The following SLC30A4 variants were observed in gnomAD, a reference collection of about 807,000 sequenced individuals.
SLC30A4 encodes the protein solute carrier family 30 member 4, also known as probable proton-coupled zinc antiporter SLC30A4.
SLC30A4 carries 20 observed loss-of-function variants against 41.7 expected under a neutral mutation model. The ratio of observed to expected loss-of-function variants is 0.48; its 90% confidence interval spans 0.34 to 0.70. The LOEUF (loss-of-function observed/expected upper bound fraction) is 0.70. SLC30A4 is among the 30% of genes least tolerant of loss of function. The pLI is 0.01. For missense variants in SLC30A4, 441 were observed against 529.3 expected (o/e 0.83, Z 1.64); for synonymous variants, 181 against 195.9 (o/e 0.92, Z 0.64).
At position 45,490,714 on chromosome 15, in the gene SLC30A4, A is replaced by G. The variant is rs117382197; in HGVS notation, c.692+14T>C. On this transcript the variant is annotated intron_variant, in intron 4 of 7. Coordinates refer to ENST00000261867, the MANE Select transcript of SLC30A4 (RefSeq NM_013309.6). The stretch of plus-strand genomic sequence containing the variant: ...AGTACTTGAAAATATTAATGTGAAA[A>G]AAATAGAGCTTACATTACATTAACT... 1.8e-3 allele frequency: 2,815 copies of G among 1,571,378 alleles called. 70 individuals are homozygous for G. The East Asian group carries it at 0.056, about 31-fold the overall frequency.
At chr15:45,489,585 GCAGTAAAAATTTGATTACATTCA>G (rs1891771835) in intron 4 of SLC30A4, among the ~76,000 whole-genome samples, 1 of 135,298 alleles carries the variant, frequency 7.4e-6, no homozygotes, top group African/African-American at 2.8e-5. Flanking sequence ...TAACAAGGCT[GCAGTAAAAATTTGATTACATTCA>G]GGGACTGTTG....
intron 2 of SLC30A4, chr15:45,512,421 T>G (rs1169875893): frequency 6.6e-6 from 1 of 152,198 alleles, no homozygotes; most frequent in Non-Finnish European, 1.5e-5. Context: ...GAATCACTGT[T>G]ATAATGTACA....
chr15:45,506,268 A>G (rs1892155051), intron 3 of SLC30A4, among the ~76,000 whole-genome samples: 3 of 152,206 alleles, frequency 2.0e-5, no homozygotes, highest in Admixed American at 2.0e-4. Context: ...CATGTTTTGC[A>G]TATTTACAAA....
At chr15:45,499,662 G>C (rs540307850) in intron 3 of SLC30A4, among the ~76,000 whole-genome samples, 1 of 152,130 alleles carries the variant, frequency 6.6e-6, no homozygotes, top group Non-Finnish European at 1.5e-5. Context: ...CTGAGAACTT[G>C]TGGGATTTCT....
Position 45,494,926 on chromosome 15 carries a change from AG to A in SLC30A4, c.539-4046del, listed in dbSNP as rs895664290. On this transcript the variant is annotated intron_variant, in intron 3 of 7. Coordinates refer to ENST00000261867, the MANE Select transcript of SLC30A4 (RefSeq NM_013309.6). ...GTAATCCCTGCTACTTGGGAAGCTG[AG>A]GGGGGAGGATCACTTGAGGTCAAGA... is the stretch of plus-strand genomic sequence containing the variant. Among the ~76,000 whole-genome samples, 12 of 152,142 alleles carry A rather than the reference AG, an allele frequency of 7.9e-5. No individual in the cohort carries two copies. In the South Asian group the frequency reaches 1.9e-3, roughly 24 times the overall value.
At position 45,480,011 on chromosome 15, in the gene SLC30A4, T is replaced by C. The variant is rs954594934; in HGVS notation, c.*5152A>G. On this transcript the variant is annotated 3_prime_UTR_variant, in exon 8 of 8. Coordinates refer to ENST00000261867, the MANE Select transcript of SLC30A4 (RefSeq NM_013309.6). The stretch of plus-strand genomic sequence containing the variant: ...TGGCTTATTTAATAACATGTATTTA[T>C]TGAGAGAAGCATAAACTTTCCAAAT... The C allele has an allele frequency of 1.3e-5, 2 of 152,188 alleles. No individual in the cohort carries two copies. The highest frequency in any genetic ancestry group is 6.5e-5 in the Admixed American group (1 of 15,278). 9.4% of individuals were successfully genotyped at this position (152,188 alleles called of 1,614,324 possible). A position where few individuals can be genotyped will look rare whatever the true frequency, so the allele number is the denominator to read the frequency against.
chr15:45,516,549 T>C (rs1325856744), intron 2 of SLC30A4, among the ~76,000 whole-genome samples: 1 of 148,502 alleles, frequency 6.7e-6, no homozygotes, highest in African/African-American at 2.6e-5. Context: ...TGTGTGAATT[T>C]ATATCTTTTT....
At chr15:45,520,126 AATAAG>A (rs1446679287) in intron 2 of SLC30A4, among the ~76,000 whole-genome samples, 1 of 152,186 alleles carries the variant, frequency 6.6e-6, no homozygotes, top group African/African-American at 2.4e-5. Flanking sequence ...TGAGTAAATA[AATAAG>A]ATATCTCAGA....
intron 3 of SLC30A4, among the ~76,000 whole-genome samples, chr15:45,498,956 C>T (rs1891959399): frequency 6.6e-6 from 1 of 152,110 alleles, no homozygotes; most frequent in Admixed American, 6.6e-5. Flanking sequence ...AGCATTGTAA[C>T]CAGGTACCTA....
intron 3 of SLC30A4, among the ~76,000 whole-genome samples, chr15:45,501,279 G>A (rs2140830798): frequency 6.6e-6 from 1 of 152,014 alleles, no homozygotes; most frequent in African/African-American, 2.4e-5. Flanking sequence ...CTGCACTCCA[G>A]CCTGGGCAAC....
chr15:45,521,120 A>T lies in SLC30A4; in HGVS notation c.391+844T>A, dbSNP rs138597643. The T allele has an allele frequency of 3.0e-5, 12 of 400,382 alleles. No homozygotes were observed. The East Asian group carries it at 8.8e-4, about 30-fold the overall frequency. 24.8% of individuals were successfully genotyped at this position (400,382 alleles called of 1,614,324 possible). On this transcript the variant is annotated intron_variant, in intron 2 of 7. Coordinates refer to ENST00000261867, the MANE Select transcript of SLC30A4 (RefSeq NM_013309.6). ...TGTTTTTGTCATGGTTCATCATTTA[A>T]GAGATGACATGTAAGAATCATCTCC...
chr15:45,503,446 G>T, intron 3 of SLC30A4, among the ~76,000 whole-genome samples: 1 of 151,654 alleles, frequency 6.6e-6, no homozygotes, highest in Middle Eastern at 3.4e-3. Context: ...GTGAAACCCC[G>T]TCTCTACCAA....
intron 2 of SLC30A4, 66 bp from the exon 3 acceptor site, chr15:45,511,350 AG>A (rs1397898807): frequency 2.7e-6 from 3 of 1,106,494 alleles, no homozygotes; most frequent in Non-Finnish European, 3.9e-6. Context: ...CAATCAAACT[AG>A]AAATATGCAA....
Position 45,522,000 on chromosome 15 carries a change from C to A in SLC30A4, c.355G>T (p.Val119Phe). Residue 119 changes from valine (V) to phenylalanine (F), a missense_variant, in exon 2 of 8, where the codon GTT (valine) becomes TTT (phenylalanine). Physicochemically the swap from Val to Phe is conservative, Grantham distance 50. This residue lies in a region of SLC30A4 where 312 missense variants were observed against 341.9 expected (regional missense o/e 0.91). Transcript: ENST00000261867. ...KVKARLTIAA[V>F]LYLLFMIGEL... ...CCAATCATGAAAAGCAAGTACAGAA[C>A]GGCAGCAATGGTCAACCTGGCTTTC... is the stretch of plus-strand genomic sequence containing the variant. 3 of 1,614,198 alleles carry A rather than the reference C, an allele frequency of 1.9e-6. No homozygotes were observed. The highest frequency in any genetic ancestry group is 2.5e-6 in the Non-Finnish European group (3 of 1,180,016).
intron 2 of SLC30A4, among the ~76,000 whole-genome samples, chr15:45,518,577 C>G (rs576098030): frequency 1.6e-4 from 22 of 141,436 alleles, no homozygotes; most frequent in African/African-American, 6.6e-4. Context: ...TTTTTCCCTT[C>G]TTTTTGAGAG....
Position 45,514,361 on chromosome 15 carries a change from C to CAA in SLC30A4, c.392-3079_392-3078dup, listed in dbSNP as rs10595522. Among the ~76,000 whole-genome samples, 799 of 119,246 alleles carry CAA rather than the reference C, an allele frequency of 6.7e-3. 7 individuals carry two copies. The highest frequency in any genetic ancestry group is 9.8e-3 in the Non-Finnish European group (559 of 56,816). 78.2% of individuals were successfully genotyped at this position (119,246 alleles called of 152,430 possible). The stretch of plus-strand genomic sequence containing the variant: ...GGGCAACAAGAGTGGAACTCTGTCT[C>CAA]AAAAAAAAAAAAAAAAAATTATAGA... On this transcript the variant is annotated intron_variant, in intron 2 of 7. Transcript: ENST00000261867.
chr15:45,518,262 T>TTA (rs1892553435), intron 2 of SLC30A4, among the ~76,000 whole-genome samples: 1 of 152,220 alleles, frequency 6.6e-6, no homozygotes, highest in Non-Finnish European at 1.5e-5. Context: ...TATGTCCTAC[T>TTA]GGTTACTATG....
chr15:45,487,702 G>A (rs1891731163), intron 5 of SLC30A4, 70 bp from the exon 6 acceptor site: 1 of 723,856 alleles, frequency 1.4e-6, no homozygotes, highest in Non-Finnish European at 2.5e-6. Context: ...GCAAAGCAAG[G>A]AATATGTCCC....
intron 2 of SLC30A4, among the ~76,000 whole-genome samples, chr15:45,518,401 T>C (rs1173277303): frequency 6.6e-6 from 1 of 152,186 alleles, no homozygotes; most frequent in East Asian, 1.9e-4. Context: ...AGTTTCGTTC[T>C]CCATTGTACA....
Sources: allele counts gnomAD v4.1 joint callset (sites outside exome capture counted in the v4.1 genomes callset), GRCh38; gene constraint gnomAD v4.1.1; regional missense constraint gnomAD v4.1.1; transcripts MANE v1.5; gene names NCBI Gene and HGNC (gene_info 2026-07-23, HGNC 2026-07-21).